Variants in AKR1C8 observed in about 807,000 individuals in gnomAD.
AKR1C8 encodes aldo-keto reductase family 1 member C8.
the AKR1C8 span, among the ~76,000 whole-genome samples, chr10:5,172,948 A>G: frequency 1.3e-5 from 2 of 152,180 alleles, no homozygotes; most frequent in Admixed American, 1.3e-4. Context: ...AGGCCCTTTA[A>G]GAACAGGGCT....
At chr10:5,138,055 T>A in the AKR1C8 span, among the ~76,000 whole-genome samples, 5 of 151,694 alleles carry the variant, frequency 3.3e-5, no homozygotes, top group Non-Finnish European at 5.9e-5. Context: ...GCAGAACTAC[T>A]GATAAGGGTC....
At chr10:5,150,126 G>T in the AKR1C8 span, among the ~76,000 whole-genome samples, 1 of 151,990 alleles carries the variant, frequency 6.6e-6, no homozygotes, top group South Asian at 2.1e-4. Context: ...TCACTGAGGG[G>T]ATTCCAGGAT....
At chr10:5,130,249 T>G in the AKR1C8 span, among the ~76,000 whole-genome samples, 1 of 151,906 alleles carries the variant, frequency 6.6e-6, no homozygotes, top group South Asian at 2.1e-4. Context: ...CTCAACAAAC[T>G]AGACATAAAA....
the AKR1C8 span, among the ~76,000 whole-genome samples, chr10:5,176,390 A>G: frequency 2.7e-4 from 39 of 144,368 alleles, no homozygotes; most frequent in Admixed American, 7.0e-4. Flanking sequence ...GCCTTGTAGT[A>G]TAGTTTGAAG....
At chr10:5,151,719 G>T in the AKR1C8 span, among the ~76,000 whole-genome samples, 5 of 152,002 alleles carry the variant, frequency 3.3e-5, no homozygotes, top group African/African-American at 1.2e-4. Context: ...ACCATGCCTG[G>T]CTAATTTTTG....
the AKR1C8 span, among the ~76,000 whole-genome samples, chr10:5,176,521 A>G: frequency 5.5e-4 from 83 of 150,580 alleles, 1 homozygote; most frequent in South Asian, 0.017. Flanking sequence ...GAAGAAAGTC[A>G]TTGGTAGCTT....
the AKR1C8 span, among the ~76,000 whole-genome samples, chr10:5,116,041 T>C: frequency 6.6e-6 from 1 of 152,150 alleles, no homozygotes; most frequent in Non-Finnish European, 1.5e-5. Context: ...ACCTTCATTT[T>C]TGAAGGATCT....
At chr10:5,169,184 AGAAGT>A in the AKR1C8 span, among the ~76,000 whole-genome samples, 1 of 152,192 alleles carries the variant, frequency 6.6e-6, no homozygotes, top group Non-Finnish European at 1.5e-5. Flanking sequence ...TAGTTAGAAG[AGAAGT>A]GATTTCCTTG....
At chr10:5,169,429 C>T in the AKR1C8 span, among the ~76,000 whole-genome samples, 1 of 152,148 alleles carries the variant, frequency 6.6e-6, no homozygotes, top group Non-Finnish European at 1.5e-5. Flanking sequence ...ACGAAATGGC[C>T]ATGATTCTGT....
chr10:5,177,816 G>A, the AKR1C8 span, among the ~76,000 whole-genome samples: 82,094 of 151,868 alleles, frequency 0.54, 23,085 homozygotes, highest in Non-Finnish European at 0.6. Context: ...CTGTGGGATC[G>A]GTGGTGATAT....
the AKR1C8 span, among the ~76,000 whole-genome samples, chr10:5,118,309 T>C: frequency 8.6e-6 from 1 of 116,900 alleles, no homozygotes; most frequent in African/African-American, 3.2e-5. Context: ...ACTTAAAGTT[T>C]CAAGGTAATT....
the AKR1C8 span, among the ~76,000 whole-genome samples, chr10:5,172,776 A>T: frequency 2.6e-5 from 4 of 152,248 alleles, no homozygotes; most frequent in Non-Finnish European, 5.9e-5. Flanking sequence ...TTTTCTTAAA[A>T]ATATTTAAGT....
At chr10:5,161,464 C>A in the AKR1C8 span, among the ~76,000 whole-genome samples, 3 of 152,272 alleles carry the variant, frequency 2.0e-5, no homozygotes, top group Admixed American at 6.5e-5. Context: ...TACGGGAGAC[C>A]CTCCCACTAA....
the AKR1C8 span, chr10:5,160,789 C>G: frequency 2.1e-6 from 1 of 471,014 alleles, no homozygotes; most frequent in Non-Finnish European, 4.4e-6. Flanking sequence ...ACAGTGCTGC[C>G]TGGTGTCTGC....
At chr10:5,177,789 G>A in the AKR1C8 span, among the ~76,000 whole-genome samples, 1 of 152,162 alleles carries the variant, frequency 6.6e-6, no homozygotes, top group African/African-American at 2.4e-5. Flanking sequence ...AGTATTCTCT[G>A]ATGGTAGTTT....
At chr10:5,148,635 GA>G in the AKR1C8 span, among the ~76,000 whole-genome samples, 2 of 152,072 alleles carry the variant, frequency 1.3e-5, no homozygotes, top group Non-Finnish European at 2.9e-5. Context: ...TCTTACACGT[GA>G]AAACAAAGCA....
At chr10:5,147,609 C>T in the AKR1C8 span, among the ~76,000 whole-genome samples, 19 of 152,026 alleles carry the variant, frequency 1.2e-4, no homozygotes, top group Non-Finnish European at 1.8e-4. Flanking sequence ...GCAAGGCAGA[C>T]GTTCAACCTT....
At chr10:5,124,297 A>G in the AKR1C8 span, among the ~76,000 whole-genome samples, 4 of 152,174 alleles carry the variant, frequency 2.6e-5, no homozygotes, top group South Asian at 8.3e-4. Context: ...TATAGCAAAA[A>G]CAATTCATGG....
At chr10:5,157,708 C>A in the AKR1C8 span, 35 of 472,618 alleles carry the variant, frequency 7.4e-5, no homozygotes, top group South Asian at 5.2e-4. Flanking sequence ...CAGCTGGTAG[C>A]GCAGGGCGAC....
Sources: gnomAD v4.1 joint callset for allele counts (sites outside exome capture counted in the v4.1 genomes callset) on GRCh38, gnomAD v4.1.1 for gene constraint, MANE v1.5 for transcripts, NCBI Gene and HGNC (gene_info 2026-07-23, HGNC 2026-07-21) for gene names.